The following ASIC2 variants were observed in gnomAD, a reference collection of about 807,000 sequenced individuals.
ASIC2 encodes the protein acid sensing ion channel subunit 2, also known as acid-sensing ion channel 2.
ASIC2 carries 25 observed loss-of-function variants against 57.3 expected under a neutral mutation model. The ratio of observed to expected loss-of-function variants is 0.44; its 90% CI spans 0.32 to 0.61. ASIC2 has a LOEUF of 0.61. Among genes scored for constraint, ASIC2 ranks in the 20% least tolerant of loss-of-function variants. ASIC2 has a pLI of 0.06. For synonymous variants in ASIC2, 319 were observed against 307.5 expected (o/e 1.04, Z -0.39); for missense variants, 641 against 738.1 (o/e 0.87, Z 1.52).
At chr17:33,963,852 A>C (rs1904998478) in intron 1 of ASIC2, among the ~76,000 whole-genome samples, 1 of 151,936 alleles carries the variant, frequency 6.6e-6, no homozygotes, top group Admixed American at 6.5e-5. Flanking sequence ...ACATTCTTAC[A>C]TTTGTAAAGT....
chr17:33,021,208 C>T lies in ASIC2; in HGVS notation c.1441+11G>A, dbSNP rs2091834085. Reference sequence around the variant, plus strand: ...GAGATGTGGAAATTTGTGCAATAGACACTGACTTACCAAGTAAGGCAGCAA... The same window carrying T: ...GAGATGTGGAAATTTGTGCAATAGATACTGACTTACCAAGTAAGGCAGCAA... On this transcript the variant is annotated intron_variant, in intron 7 of 9. Transcript: ENST00000225823. 9.2e-7 allele frequency: 1 copy of T among 1,087,912 alleles called. No individual in the cohort carries two copies. Among genetic ancestry groups the T allele is most frequent in the Non-Finnish European group, 1.3e-6 (1 of 773,654 alleles). The allele number at this position is 1,087,912 out of a possible 1,614,324, so 67.4% of individuals were successfully genotyped here.
chr17:33,359,667 A>G (rs1836476933), intron 1 of ASIC2, among the ~76,000 whole-genome samples: 1 of 152,256 alleles, frequency 6.6e-6, no homozygotes. Context: ...GCCAAAAGAA[A>G]TAAGAGAAAT....
At chr17:33,340,370 T>G (rs1420209056) in intron 1 of ASIC2, among the ~76,000 whole-genome samples, 3 of 152,236 alleles carry the variant, frequency 2.0e-5, no homozygotes, top group Admixed American at 1.3e-4. Context: ...GGGATGATAA[T>G]TATAATAAGG....
At chr17:34,099,145 AC>A (rs1910681197) in intron 1 of ASIC2, among the ~76,000 whole-genome samples, 26 of 19,830 alleles carry the variant, frequency 1.3e-3, no homozygotes, top group African/African-American at 3.0e-3. Context: ...AGAGAGAGAG[AC>A]AGAGAGAGAG....
At chr17:33,739,649 T>C (rs1910033226) in intron 1 of ASIC2, among the ~76,000 whole-genome samples, 1 of 152,096 alleles carries the variant, frequency 6.6e-6, no homozygotes, top group Admixed American at 6.5e-5. Context: ...CTGAGAAGTA[T>C]CTGGTGAGTA....
At chr17:33,293,327 C>G (rs537535865), upstream of ASIC2, among the ~76,000 whole-genome samples, 24 of 152,216 alleles carry the variant, frequency 1.6e-4, no homozygotes, top group Non-Finnish European at 3.2e-4. Context: ...CCGTGAGCGC[C>G]GTGCGCTCCT....
chr17:33,353,817 G>A (rs749583766), intron 1 of ASIC2, among the ~76,000 whole-genome samples: 1 of 152,152 alleles, frequency 6.6e-6, no homozygotes, highest in Non-Finnish European at 1.5e-5. Flanking sequence ...TTAAATACAT[G>A]TTCTTCAGGG....
chr17:33,657,064 T>G (rs1907097848), intron 1 of ASIC2, among the ~76,000 whole-genome samples: 1 of 152,160 alleles, frequency 6.6e-6, no homozygotes, highest in African/African-American at 2.4e-5. Flanking sequence ...AAGGAGGTCT[T>G]GGATGAACAT....
chr17:33,144,330 G>C (rs576811104), intron 1 of ASIC2, among the ~76,000 whole-genome samples: 336 of 152,214 alleles, frequency 2.2e-3, no homozygotes, highest in Middle Eastern at 6.8e-3. Flanking sequence ...GAAAGAACAA[G>C]AGTGGGGGAG....
rs561196840 is a variant in ASIC2, at chr17:33,049,414, C to T, written c.988-21022G>A. Among the ~76,000 whole-genome samples the T allele has an allele frequency of 3.3e-5, 5 of 152,338 alleles. No individual in the cohort carries two copies. The East Asian group carries it at 9.6e-4, about 29-fold the overall frequency. ...TCATCATTTTAAGATGCATAATTTT[C>T]TATATCCTAACATGTCTATAACATC... On this transcript the variant is annotated intron_variant, in intron 3 of 9. Transcript: ENST00000225823.
At chr17:33,166,355 G>T (rs1439449674) in intron 1 of ASIC2, among the ~76,000 whole-genome samples, 2 of 152,192 alleles carry the variant, frequency 1.3e-5, no homozygotes, top group Admixed American at 6.5e-5. Context: ...AAAGCTCATT[G>T]TTGGGGGGAG....
chr17:33,161,920 G>T (rs1403020000), intron 1 of ASIC2, among the ~76,000 whole-genome samples: 1 of 124,438 alleles, frequency 8.0e-6, no homozygotes, highest in Non-Finnish European at 1.6e-5. Flanking sequence ...ACACCACACT[G>T]CTTCACCAGG....
At chr17:33,159,989 G>A (rs760954668) in intron 1 of ASIC2, among the ~76,000 whole-genome samples, 14 of 151,956 alleles carry the variant, frequency 9.2e-5, no homozygotes, top group Non-Finnish European at 1.6e-4. Context: ...TGGGAGGATC[G>A]CGTGAGCTCA....
chr17:33,376,699 C>T (rs971190890), intron 1 of ASIC2, among the ~76,000 whole-genome samples: 1 of 152,198 alleles, frequency 6.6e-6, no homozygotes, highest in African/African-American at 2.4e-5. Context: ...TTTCACTACC[C>T]TTCCTCTATA....
chr17:34,119,922 G>A (rs972999332), intron 1 of ASIC2: 1 of 152,118 alleles, frequency 6.6e-6, no homozygotes, highest in Non-Finnish European at 1.5e-5. Context: ...TCAAAGCCTT[G>A]GTTAACCAGC....
At chr17:34,107,741 C>CTA (rs1911113164) in intron 1 of ASIC2, among the ~76,000 whole-genome samples, 2 of 152,252 alleles carry the variant, frequency 1.3e-5, no homozygotes, top group East Asian at 3.9e-4. Context: ...TCCCTTCCAG[C>CTA]TAGTTATGGT....
At chr17:34,030,908 C>A (rs971622854) in intron 1 of ASIC2, among the ~76,000 whole-genome samples, 1 of 152,264 alleles carries the variant, frequency 6.6e-6, no homozygotes, top group South Asian at 2.1e-4. Context: ...GGAGGCCTGC[C>A]TGCCTCTGTA....
intron 1 of ASIC2, chr17:34,038,478 C>T (rs1170493462): frequency 9.9e-6 from 16 of 1,612,024 alleles, no homozygotes; most frequent in South Asian, 5.5e-5. Context: ...TTCACAGCTA[C>T]GTATCTTTGC....
chr17:33,576,652 C>T (rs1916631875), intron 1 of ASIC2, among the ~76,000 whole-genome samples: 1 of 152,158 alleles, frequency 6.6e-6, no homozygotes, highest in Admixed American at 6.5e-5. Context: ...GCCAAGTGAG[C>T]ACTTAATAAG....
Sources: allele counts gnomAD v4.1 joint callset (sites outside exome capture counted in the v4.1 genomes callset), GRCh38; gene constraint gnomAD v4.1.1; transcripts MANE v1.5; gene names NCBI Gene and HGNC (gene_info 2026-07-23, HGNC 2026-07-21).